Variants in FRAS1 observed in about 807,000 individuals in gnomAD.
FRAS1 encodes the protein extracellular matrix organizing protein FRAS1.
A neutral mutation model predicts 435.2 loss-of-function variants in FRAS1; 290 were observed. The observed-to-expected ratio is 0.67, with a 90% CI of 0.61 to 0.73. FRAS1 has a LOEUF of 0.73. Ranked by LOEUF, FRAS1 falls within the 30% of genes least tolerant of loss-of-function variation. The pLI, the probability that FRAS1 is intolerant of heterozygous loss-of-function variation, is 0.00. For synonymous variants in FRAS1, 1,800 were observed against 1,851.0 expected, an observed-to-expected ratio of 0.97 and a Z score of 0.71; for missense variants, 4,860 against 5,001.5, an observed-to-expected ratio of 0.97 and a Z score of 0.85.
At chr4:78,388,194 G>A (rs1391836413) in intron 29 of FRAS1, among the ~76,000 whole-genome samples, 2 of 151,998 alleles carry the variant, frequency 1.3e-5, no homozygotes, top group African/African-American at 2.4e-5. Flanking sequence ...GCGTGGTGGC[G>A]GGTGCCTGTA....
intron 18 of FRAS1, among the ~76,000 whole-genome samples, chr4:78,327,801 T>C (rs1729777912): frequency 6.6e-6 from 1 of 152,194 alleles, no homozygotes; most frequent in Non-Finnish European, 1.5e-5. Context: ...CACAGAATGA[T>C]TAAGCCTCAT....
At chr4:78,331,937 CAT>C (rs1438710953) in intron 18 of FRAS1, among the ~76,000 whole-genome samples, 4 of 152,120 alleles carry the variant, frequency 2.6e-5, no homozygotes, top group African/African-American at 9.7e-5. Flanking sequence ...AGGGGCACCT[CAT>C]AGCATAAAAG....
chr4:78,271,096 G>A (rs1726652795), intron 9 of FRAS1, among the ~76,000 whole-genome samples: 1 of 152,122 alleles, frequency 6.6e-6, no homozygotes, highest in African/African-American at 2.4e-5. Flanking sequence ...TGCATCCAGA[G>A]ACAACCAATG....
At chr4:78,262,204 T>G (rs938771774) in intron 6 of FRAS1, among the ~76,000 whole-genome samples, 2 of 152,216 alleles carry the variant, frequency 1.3e-5, no homozygotes, top group African/African-American at 4.8e-5. Context: ...CCTGCACTGC[T>G]TTGAAGGCTC....
chr4:78,303,916 G>A (rs1728560799), intron 14 of FRAS1, among the ~76,000 whole-genome samples: 2 of 150,816 alleles, frequency 1.3e-5, no homozygotes, highest in Admixed American at 6.6e-5. Flanking sequence ...GTGAGAGAGG[G>A]CATCCCTGTC....
chr4:78,208,092 A>AGACC, intron 2 of FRAS1, among the ~76,000 whole-genome samples: 1 of 152,328 alleles, frequency 6.6e-6, no homozygotes, highest in South Asian at 2.1e-4. Context: ...CACAGCTGAG[A>AGACC]GACCTACAGA....
intron 72 of FRAS1, among the ~76,000 whole-genome samples, chr4:78,538,848 C>T (rs199942764): frequency 4.2e-4 from 63 of 151,330 alleles, no homozygotes. Flanking sequence ...CCAGCTACTC[C>T]GGAGGCTGAG....
At position 78,511,280 on chromosome 4, in the gene FRAS1, G is replaced by C; in HGVS notation, c.9787G>C (p.Asp3263His). The stretch of plus-strand genomic sequence containing the variant: ...GATTTTTTCTTCCTGTTAGGTCCTG[G>C]ACAGCATTTACTTCAGCCGGAGGTT... ...PFTSVNHMVL[D>H]SIYFSRRFHV... The change falls in exon 64 of 74, where the codon GAC (aspartate) becomes CAC (histidine). Residue 3263 changes from aspartate (D) to histidine (H), a missense_variant. Transcript: ENST00000512123. 1 of 1,597,198 alleles carries C rather than the reference G, an allele frequency of 6.3e-7. No homozygotes were observed. Among genetic ancestry groups the C allele is most frequent in the Admixed American group, 1.7e-5 (1 of 59,428 alleles).
chr4:78,226,110 G>GT (rs1353490063), intron 2 of FRAS1, among the ~76,000 whole-genome samples: 19 of 151,998 alleles, frequency 1.3e-4, no homozygotes, highest in Admixed American at 3.3e-4. Context: ...GTTAAACATT[G>GT]TATTTACCTC....
intron 1 of FRAS1, among the ~76,000 whole-genome samples, chr4:78,064,256 T>C (rs1739889260): frequency 1.3e-5 from 2 of 151,002 alleles, no homozygotes; most frequent in Admixed American, 1.3e-4. Flanking sequence ...TATAAAATCA[T>C]TCATTTATAG....
intron 14 of FRAS1, among the ~76,000 whole-genome samples, chr4:78,306,426 G>A (rs1439572133): frequency 7.9e-6 from 1 of 126,736 alleles, no homozygotes; most frequent in East Asian, 2.2e-4. Flanking sequence ...CTAGATTGGG[G>A]AAGTTCTCCT....
chr4:78,281,825 C>T (rs764364825), intron 11 of FRAS1, among the ~76,000 whole-genome samples: 2 of 152,170 alleles, frequency 1.3e-5, no homozygotes, highest in Non-Finnish European at 2.9e-5. Context: ...CCCAAACAAT[C>T]TCAAGTTTAT....
At chr4:78,256,797 A>G (rs1725816139) in intron 6 of FRAS1, among the ~76,000 whole-genome samples, 1 of 152,206 alleles carries the variant, frequency 6.6e-6, no homozygotes, top group African/African-American at 2.4e-5. Flanking sequence ...TCACTGTTGT[A>G]TCATTAAGTC....
chr4:78,319,061 G>A (rs1030946759), intron 18 of FRAS1, 75 bp downstream of exon 18: 115 of 1,417,958 alleles, frequency 8.1e-5, no homozygotes, highest in Middle Eastern at 2.3e-4. Flanking sequence ...TGGGACCAAA[G>A]CCAGGAAGAC....
intron 2 of FRAS1, among the ~76,000 whole-genome samples, chr4:78,127,848 C>A (rs907250013): frequency 2.0e-5 from 3 of 151,340 alleles, no homozygotes; most frequent in African/African-American, 7.3e-5. Context: ...GTGTGCTGCA[C>A]CCAATAACTC....
In FRAS1 at chr4:78,519,436, G is replaced by A. The variant is rs375455392; in HGVS notation, c.10495G>A (p.Glu3499Lys). 41 of 1,611,884 alleles carry A rather than the reference G, an allele frequency of 2.5e-5. No homozygotes were observed. The highest frequency in any genetic ancestry group is 1.6e-4 in the Middle Eastern group (1 of 6,078). ...CTGGGCCTCCTTGGAGCACCACACC[G>A]AGATGGAGTTTTCTTTCTTCTATGA... The part of the protein sequence containing the change: ...RGWASLEHHT[E>K]MEFSFFYDTV... Residue 3499 changes from glutamate to lysine, a missense_variant, in exon 67 of 74, where the codon GAG becomes AAG. Glu to Lys is a moderately conservative substitution (Grantham distance 56). Transcript: ENST00000512123.
intron 47 of FRAS1, among the ~76,000 whole-genome samples, chr4:78,459,199 T>G (rs1719293494): frequency 6.6e-6 from 1 of 152,216 alleles, no homozygotes; most frequent in Admixed American, 6.5e-5. Flanking sequence ...CAGGCTGAGT[T>G]GTAATTACAT....
At chr4:78,502,971 A>G (rs1701449358) in intron 61 of FRAS1, among the ~76,000 whole-genome samples, 2 of 152,218 alleles carry the variant, frequency 1.3e-5, no homozygotes, top group South Asian at 4.1e-4. Context: ...TATTGAGATA[A>G]TCATGTGGTT....
chr4:78,443,539 A>G (rs900007011), intron 41 of FRAS1, among the ~76,000 whole-genome samples: 2 of 152,230 alleles, frequency 1.3e-5, no homozygotes, highest in African/African-American at 2.4e-5. Flanking sequence ...CACAGACAAG[A>G]CAGGACCCAC....
Sources: gnomAD v4.1 joint callset for allele counts (sites outside exome capture counted in the v4.1 genomes callset) on GRCh38, gnomAD v4.1.1 for gene constraint, MANE v1.5 for transcripts, NCBI Gene and HGNC (gene_info 2026-07-23, HGNC 2026-07-21) for gene names.